SPPL2B: variants seen among roughly 807,000 people sequenced by gnomAD.
SPPL2B encodes signal peptide peptidase-like 2B.
A neutral mutation model predicts 59.7 loss-of-function variants in SPPL2B; 39 were observed. The ratio of observed to expected loss-of-function variants is 0.65; its 90% CI spans 0.51 to 0.85. SPPL2B has a LOEUF of 0.85. Ranked by LOEUF, SPPL2B falls within the 40% of genes least tolerant of loss-of-function variation. The probability of loss-of-function intolerance (pLI) is 0.00; values close to 1 mark genes in which losing one functional copy is unlikely to be tolerated. For missense variants in SPPL2B, 865 were observed against 849.0 expected (o/e 1.02, Z -0.23); for synonymous variants, 419 against 370.8 (o/e 1.13, Z -1.49).
intron 9 of SPPL2B, among the ~76,000 whole-genome samples, chr19:2,343,694 C>T (rs1368857077): frequency 6.6e-6 from 1 of 152,142 alleles, no homozygotes; most frequent in African/African-American, 2.4e-5. Flanking sequence ...CCTCTGTATC[C>T]CCAGAGCCGG....
intron 8 of SPPL2B, chr19:2,342,933 G>A (rs1969142404): frequency 4.2e-6 from 2 of 473,016 alleles, no homozygotes; most frequent in South Asian, 4.8e-5. Context: ...AGCCGGCCAG[G>A]CCTGTGTCCA....
intron 9 of SPPL2B, 126 bp from the exon 10 acceptor site, chr19:2,343,839 A>T: frequency 1.5e-6 from 1 of 678,786 alleles, no homozygotes; most frequent in South Asian, 1.7e-5. Context: ...CGTCCCTGGC[A>T]CTGGGCACGC....
At position 2,351,511 on chromosome 19, in the gene SPPL2B, G is replaced by A; in HGVS notation, c.1432G>A (p.Val478Met). 1.2e-6 allele frequency: 2 copies of A among 1,611,084 alleles called. No individual in the cohort carries two copies. The highest frequency in any genetic ancestry group is 1.7e-6 in the Non-Finnish European group (2 of 1,179,600). The change falls in exon 14 of 15, where the codon GTG becomes ATG. Residue 478 changes from valine (V) to methionine (M), a missense_variant. By Grantham distance (21) the Val-to-Met change is conservative. Coordinates refer to ENST00000613503, the MANE Select transcript of SPPL2B (RefSeq NM_152988.3). ...QRGQPALLYL[V>M]PCTLVTSCAV... ...TGGCCAGCCCGCTCTCCTCTACCTG[G>A]TGCCCTGCACGCTGGTGACGAGCTG...
chr19:2,340,172 G>C lies in SPPL2B; in HGVS notation c.839G>C (p.Arg280Thr). The change falls in exon 7 of 15, where the codon AGG (arginine) becomes ACG (threonine). Residue 280 changes from arginine (R) to threonine (T), a missense_variant and splice_region_variant. Transcript: ENST00000613503. ...CVRRLPFGKC[R>T]IPNNSLPYFH... Reference sequence around the variant, plus strand: ...CGGCGGCTGCCCTTCGGCAAGTGCAGGTGAGTCTGCCCTGCTGGCCCCGAC... The same window carrying C: ...CGGCGGCTGCCCTTCGGCAAGTGCACGTGAGTCTGCCCTGCTGGCCCCGAC... 1 of 1,563,094 alleles carries C rather than the reference G, an allele frequency of 6.4e-7. No homozygotes were observed. Among genetic ancestry groups the C allele is most frequent in the South Asian group, 1.2e-5 (1 of 85,546 alleles).
intron 12 of SPPL2B, 76 bp downstream of exon 12, chr19:2,344,728 T>A: frequency 1.1e-6 from 1 of 916,984 alleles, no homozygotes; most frequent in Non-Finnish European, 1.8e-6. Context: ...CCTTTGGGAG[T>A]GAGTGGCCCG....
intron 13 of SPPL2B, among the ~76,000 whole-genome samples, chr19:2,348,152 T>G (rs1317765534): frequency 4.7e-5 from 2 of 42,662 alleles, no homozygotes; most frequent in Non-Finnish European, 7.7e-5. Flanking sequence ...TTCGCTTGAT[T>G]CCGTTCTCTC....
intron 3 of SPPL2B, 176 bp downstream of exon 3, chr19:2,337,801 G>T (rs1015833164): frequency 2.6e-5 from 17 of 644,728 alleles, no homozygotes; most frequent in African/African-American, 5.6e-5. Flanking sequence ...GAGTGTGGCC[G>T]TGGGGAGGGC....
At chr19:2,340,427 C>T (rs1444328662) in intron 7 of SPPL2B, 17 of 635,572 alleles carry the variant, frequency 2.7e-5, no homozygotes, top group Admixed American at 5.1e-5. Flanking sequence ...TGCCCCAGGT[C>T]GCAGGCCGAA....
intron 7 of SPPL2B, 127 bp downstream of exon 7, chr19:2,340,299 TG>T (rs1260570855): frequency 6.5e-6 from 5 of 772,162 alleles, no homozygotes; most frequent in Non-Finnish European, 1.0e-5. Context: ...CCCTCAGTGC[TG>T]GCCTGGGGCT....
rs1248559123 is a variant in SPPL2B, at chr19:2,353,391, C to T, written c.*182C>T. 2.7e-6 allele frequency: 2 copies of T among 731,328 alleles called. No homozygotes were observed. Among genetic ancestry groups the T allele is most frequent in the African/African-American group, 3.7e-5 (2 of 54,014 alleles). The allele number at this position is 731,328 out of a possible 1,614,324, so 45.3% of individuals were successfully genotyped here. A position where few individuals can be genotyped will look rare whatever the true frequency, so the allele number is the denominator to read the frequency against. The stretch of plus-strand genomic sequence containing the variant: ...CTGCGGTCTGTGCCCGCGCCCAGCC[C>T]AGCTGCCCCGGCTGCACGCCTGCTG... On this transcript the variant is annotated 3_prime_UTR_variant, in exon 15 of 15. Transcript: ENST00000613503.
chr19:2,346,403 T>C (rs1208876375), intron 13 of SPPL2B, among the ~76,000 whole-genome samples: 1 of 152,250 alleles, frequency 6.6e-6, no homozygotes, highest in Non-Finnish European at 1.5e-5. Flanking sequence ...CGGGGGCTCA[T>C]GTCTGTGATC....
intron 1 of SPPL2B, chr19:2,330,864 T>G (rs1163457753): frequency 2.0e-5 from 3 of 152,252 alleles, no homozygotes; most frequent in African/African-American, 7.2e-5. Flanking sequence ...TCAAAGGATG[T>G]GTCAGAGGGA....
At chr19:2,334,744 C>A (rs777050971) in intron 2 of SPPL2B, 23 bp downstream of exon 2, 1 of 1,537,866 alleles carries the variant, frequency 6.5e-7, no homozygotes, top group South Asian at 1.2e-5. Context: ...TGGCCGGGCG[C>A]CGCTGCGGAG....
Position 2,340,137 on chromosome 19 carries a change from G to A in SPPL2B, c.804G>A (p.Ala268=), listed in dbSNP as rs1032235271. The part of the protein sequence containing the change: ...ASATGLYSCL[A]PCVRRLPFGK... ...CCACCGGCCTCTACAGCTGCCTGGC[G>A]CCCTGTGTGCGGCGGCTGCCCTTCG... The change falls in exon 7 of 15, where the codon GCG becomes GCA. Residue 268 remains alanine (A), a synonymous_variant. Transcript: ENST00000613503. 24 of 1,588,170 alleles carry A rather than the reference G, an allele frequency of 1.5e-5. No individual in the cohort carries two copies. Among genetic ancestry groups the A allele is most frequent in the Admixed American group, 5.2e-5 (3 of 57,562 alleles).
chr19:2,330,153 G>C (rs928255546), intron 1 of SPPL2B: 2 of 151,472 alleles, frequency 1.3e-5, no homozygotes, highest in African/African-American at 4.9e-5. Flanking sequence ...CTGTCGCCCA[G>C]GCTGGAGTGC....
chr19:2,334,862 C>T (rs948463555), intron 2 of SPPL2B, 141 bp downstream of exon 2: 2 of 1,112,478 alleles, frequency 1.8e-6, no homozygotes, highest in African/African-American at 1.6e-5. Flanking sequence ...TCTTAGCTGG[C>T]CCCCAGTTCC....
chr19:2,347,761 C>CACACA (rs1969533288), intron 13 of SPPL2B, among the ~76,000 whole-genome samples: 3 of 19,922 alleles, frequency 1.5e-4, no homozygotes, highest in Non-Finnish European at 1.2e-4. Context: ...CGTTCTCTCT[C>CACACA]CACACACACA....
At chr19:2,347,112 G>A (rs934210765) in intron 13 of SPPL2B, among the ~76,000 whole-genome samples, 5 of 152,054 alleles carry the variant, frequency 3.3e-5, no homozygotes, top group Admixed American at 6.5e-5. Flanking sequence ...GCTTGATTCC[G>A]TTCTCTCTCC....
At chr19:2,348,308 C>T (rs1425630920) in intron 13 of SPPL2B, among the ~76,000 whole-genome samples, 7 of 114,290 alleles carry the variant, frequency 6.1e-5, no homozygotes, top group Admixed American at 8.5e-5. Flanking sequence ...CACACACACT[C>T]GCGCTCTCAT....
Sources: gnomAD v4.1 joint callset for allele counts (sites outside exome capture counted in the v4.1 genomes callset) on GRCh38, gnomAD v4.1.1 for gene constraint, MANE v1.5 for transcripts, NCBI Gene and HGNC (gene_info 2026-07-23, HGNC 2026-07-21) for gene names.